Variants in SLTM observed in about 807,000 individuals in gnomAD.
The protein encoded by SLTM is SAFB like transcription modulator.
In SLTM, 43 loss-of-function variants were observed where a neutral mutation model predicts 134.6. That is an observed-to-expected ratio of 0.32 (90% CI 0.25 to 0.41). SLTM has a LOEUF of 0.41. SLTM is among the 10% of genes least tolerant of loss of function. The probability of loss-of-function intolerance (pLI) is 1.00; values close to 1 mark genes in which losing one functional copy is unlikely to be tolerated. For synonymous variants in SLTM, 424 were observed against 432.3 expected, an observed-to-expected ratio of 0.98 and a Z score of 0.24; for missense variants, 1,055 against 1,288.8, an observed-to-expected ratio of 0.82 and a Z score of 2.78.
chr15:58,890,199 C>G, intron 15 of SLTM, 82 bp downstream of exon 15: 1 of 1,499,490 alleles, frequency 6.7e-7, no homozygotes, highest in Non-Finnish European at 9.1e-7. Flanking sequence ...CGCTTTACAA[C>G]AAGTAAAGCA....
chr15:58,890,364 G>T lies in SLTM; in HGVS notation c.1996C>A (p.Arg666Ser). Residue 666 changes from arginine to serine, a missense_variant, in exon 15 of 21, where the codon CGC becomes AGC. Around this residue, in one of 3 missense-constraint regions of SLTM, gnomAD observed 776 missense variants for 962.2 expected, o/e 0.81. Coordinates refer to ENST00000380516, the MANE Select transcript of SLTM (RefSeq NM_024755.4). Reference sequence around the variant, plus strand: ...AGTTTTTGCCTTTCAATTTCTAGGCGCTCTCTCTCTCTCTGTAAGCGTTCC... The same window carrying T: ...AGTTTTTGCCTTTCAATTTCTAGGCTCTCTCTCTCTCTCTGTAAGCGTTCC... ...ERERLQRERERLEIERQKLER... is the reference protein window; with the variant it reads ...ERERLQRERESLEIERQKLER... 6.2e-7 allele frequency: 1 copy of T among 1,602,398 alleles called. No individual in the cohort carries two copies. The highest frequency in any genetic ancestry group is 8.5e-7 in the Non-Finnish European group (1 of 1,172,246).
chr15:58,884,556 A>G (rs2034025256), intron 19 of SLTM, among the ~76,000 whole-genome samples: 2 of 152,056 alleles, frequency 1.3e-5, no homozygotes. Flanking sequence ...TGACTTCATG[A>G]TCCGCCCGCC....
rs1346067480 is a variant in SLTM at position 58,893,333 on chromosome 15, T to C, written c.1680A>G (p.Leu560=). The change falls in exon 13 of 21, where the codon CTA becomes CTG. Residue 560 remains leucine, a synonymous_variant. Transcript: ENST00000380516. ...TACAATGATCTCCTTTAGTTTGGTC[T>C]AGTATTACCATATGTCCTGGACTCT... ...SSKSPGHMVI[L]DQTKGDHCRP... 3.8e-5 allele frequency: 62 copies of C among 1,610,554 alleles called. No individual in the cohort carries two copies. The highest frequency in any genetic ancestry group is 5.2e-5 in the Non-Finnish European group (61 of 1,178,850).
chr15:58,899,065 T>C lies in SLTM; in HGVS notation c.1059-213A>G. On this transcript the variant is annotated intron_variant, in intron 7 of 20. Transcript: ENST00000380516. The surrounding 1 kb of genome is among the most constrained non-coding windows in gnomAD (Gnocchi z 5.0). ...CCTGAAGATCTAGATTTTCTGACAA[T>C]TCTATTCAGTGGAAATATGGCCATC... 2.0e-6 allele frequency: 1 copy of C among 492,064 alleles called. No homozygotes were observed. The highest frequency in any genetic ancestry group is 3.9e-5 in the Admixed American group (1 of 25,408). The allele number at this position is 492,064 out of a possible 1,614,324, so 30.5% of individuals were successfully genotyped here. A position where few individuals can be genotyped will look rare whatever the true frequency, so the allele number is the denominator to read the frequency against.
At chr15:58,885,192 CAG>C (rs1348287295) in intron 19 of SLTM, among the ~76,000 whole-genome samples, 1 of 152,074 alleles carries the variant, frequency 6.6e-6, no homozygotes, top group Non-Finnish European at 1.5e-5. Flanking sequence ...CTATGGAAAA[CAG>C]AGTAGCAAAC....
In SLTM at chr15:58,899,482, C is replaced by T; in HGVS notation, c.1045G>A (p.Gly349Ser). The T allele has an allele frequency of 5.6e-6, 9 of 1,613,762 alleles. No homozygotes were observed. The highest frequency in any genetic ancestry group is 7.6e-6 in the Non-Finnish European group (9 of 1,179,804). ...KKGPSSTGASGQAKSSSKESK... is the reference protein window; with the variant it reads ...KKGPSSTGASSQAKSSSKESK... ...AGAAAAACAAACCTCTTTGCTTGAC[C>T]AGAGGCCCCAGTAGACGAGGGCCCT... Residue 349 changes from glycine to serine, a missense_variant, in exon 7 of 21, where the codon GGT becomes AGT. Gly to Ser is a moderately conservative substitution (Grantham distance 56, BLOSUM62 0). Coordinates refer to ENST00000380516, the MANE Select transcript of SLTM (RefSeq NM_024755.4). The surrounding 1 kb of genome is among the most constrained non-coding windows in gnomAD (Gnocchi z 5.0).
At chr15:58,889,160 CTG>C in intron 16 of SLTM, 1 of 310,450 alleles carries the variant, frequency 3.2e-6, no homozygotes, top group Non-Finnish European at 6.0e-6. Context: ...TGTTCAAAAT[CTG>C]TTTAATTATT....
intron 1 of SLTM, among the ~76,000 whole-genome samples, chr15:58,932,923 C>G (rs2037982081): frequency 1.3e-5 from 2 of 152,226 alleles, no homozygotes; most frequent in Admixed American, 6.5e-5. Flanking sequence ...TGTCACCCAC[C>G]CATCAACTCC....
intron 2 of SLTM, among the ~76,000 whole-genome samples, chr15:58,925,517 T>G (rs1343463962): frequency 6.6e-6 from 1 of 152,126 alleles, no homozygotes; most frequent in African/African-American, 2.4e-5. Context: ...TTTGTATTTT[T>G]AGTAGAGATG....
rs200900111 is a variant in SLTM, at chr15:58,927,126, CTT to C, written c.250+5228_250+5229del. On this transcript the variant is annotated intron_variant, in intron 2 of 20. Coordinates refer to ENST00000380516, the MANE Select transcript of SLTM (RefSeq NM_024755.4). ...ATGTGTAAGGAGAAGCCATTATGCT[CTT>C]GAGAGAGGCACCTTTAAAAAAAAGA... Among the ~76,000 whole-genome samples the C allele has an allele frequency of 1.7e-3, 253 of 152,206 alleles. 1 individual carries two copies. The East Asian group carries it at 0.036, about 22-fold the overall frequency.
At chr15:58,933,317 G>A (rs1760835599) in intron 1 of SLTM, 87 bp downstream of exon 1, 13 of 1,415,490 alleles carry the variant, frequency 9.2e-6, no homozygotes, top group East Asian at 2.9e-5. Flanking sequence ...GCGGCTGCGG[G>A]CAGCCGGAGG....
chr15:58,892,449 C>T lies in SLTM; in HGVS notation c.1898+448G>A, dbSNP rs779205737. On this transcript the variant is annotated intron_variant, in intron 14 of 20. Coordinates refer to ENST00000380516, the MANE Select transcript of SLTM (RefSeq NM_024755.4). ...CTAAATTTGTTAAAATTTCAGATTA[C>T]AGTATTTGAACACTGTAGCTACTTT... Among the ~76,000 whole-genome samples, 5 of 152,272 alleles carry T rather than the reference C, an allele frequency of 3.3e-5. No homozygotes were observed. The South Asian group carries it at 8.3e-4, about 25-fold the overall frequency.
chr15:58,879,144 C>G lies in SLTM; in HGVS notation c.*855G>C, dbSNP rs1256903263. On this transcript the variant is annotated 3_prime_UTR_variant, in exon 21 of 21. Coordinates refer to ENST00000380516, the MANE Select transcript of SLTM (RefSeq NM_024755.4). ...CCCAACTGATTCACCCATCTAGAAC[C>G]TGGGTTTTTTTCCACTTCTCAACAT... The G allele has an allele frequency of 6.6e-6, 1 of 152,236 alleles. No individual in the cohort carries two copies. Among genetic ancestry groups the G allele is most frequent in the Non-Finnish European group, 1.5e-5 (1 of 68,034 alleles). The allele number at this position is 152,236 out of a possible 1,614,324, so 9.4% of individuals were successfully genotyped here.
intron 2 of SLTM, among the ~76,000 whole-genome samples, chr15:58,920,962 T>A (rs12916607): frequency 6.6e-6 from 1 of 151,858 alleles, no homozygotes; most frequent in African/African-American, 2.4e-5. Flanking sequence ...CTCAAAAAAA[T>A]AAAAAATAAA....
chr15:58,920,577 A>G (rs1182673445), intron 2 of SLTM, among the ~76,000 whole-genome samples: 2 of 149,994 alleles, frequency 1.3e-5, no homozygotes, highest in East Asian at 4.0e-4. Flanking sequence ...GAGCCAAGAT[A>G]GCAACGCAGC....
intron 2 of SLTM, among the ~76,000 whole-genome samples, chr15:58,927,970 T>C (rs2037600974): frequency 6.6e-6 from 1 of 152,242 alleles, no homozygotes; most frequent in Admixed American, 6.5e-5. Flanking sequence ...TAATTATAAA[T>C]ATGTAGTCTG....
At chr15:58,930,076 C>A (rs2037759347) in intron 2 of SLTM, among the ~76,000 whole-genome samples, 1 of 151,908 alleles carries the variant, frequency 6.6e-6, no homozygotes, top group South Asian at 2.1e-4. Flanking sequence ...TGTCATGCAT[C>A]TCTTAGAATG....
At chr15:58,932,800 C>G (rs567192796) in intron 1 of SLTM, among the ~76,000 whole-genome samples, 1 of 152,226 alleles carries the variant, frequency 6.6e-6, no homozygotes, top group Non-Finnish European at 1.5e-5. Context: ...TGCAAACTTA[C>G]TGCTCCTCTG....
chr15:58,902,786 T>C (rs1381050732), intron 5 of SLTM, among the ~76,000 whole-genome samples: 4 of 151,320 alleles, frequency 2.6e-5, no homozygotes, highest in Non-Finnish European at 4.4e-5. Context: ...TGCAGTGGCA[T>C]GATCTCAGCT....
Sources: gnomAD v4.1 joint callset for allele counts (sites outside exome capture counted in the v4.1 genomes callset) on GRCh38, gnomAD v4.1.1 for gene constraint, gnomAD v4.1.1 regional missense constraint, Gnocchi (gnomAD v3.1) non-coding constraint, MANE v1.5 for transcripts, NCBI Gene and HGNC (gene_info 2026-07-23, HGNC 2026-07-21) for gene names.